Variants in FLT4 observed in about 807,000 individuals in gnomAD.
FLT4 encodes vascular endothelial growth factor receptor 3.
In FLT4, 30 loss-of-function variants were observed where a neutral mutation model predicts 163.2. The observed-to-expected ratio is 0.18, with a 90% CI of 0.14 to 0.25. FLT4 has a LOEUF of 0.25. Among genes scored for constraint, FLT4 ranks in the 10% least tolerant of loss-of-function variants. The pLI is 1.00. For synonymous variants in FLT4, 884 were observed against 789.5 expected, an observed-to-expected ratio of 1.12 and a Z score of -2.01; for missense variants, 1,510 against 1,863.8, an observed-to-expected ratio of 0.81 and a Z score of 3.50.
At chr5:180,609,119 C>T in intron 28 of FLT4, 66 bp from the exon 29 acceptor site, 1 of 1,399,648 alleles carries the variant, frequency 7.1e-7, no homozygotes, top group Admixed American at 1.7e-5. Context: ...CAGCCACCCC[C>T]AGCCAGGAAA....
chr5:180,642,463 A>C (rs1405820029), intron 1 of FLT4, among the ~76,000 whole-genome samples: 1 of 152,028 alleles, frequency 6.6e-6, no homozygotes, highest in Non-Finnish European at 1.5e-5. Flanking sequence ...CCTCAAGTAG[A>C]TGGAGCAGAT....
intron 12 of FLT4, 117 bp downstream of exon 12, chr5:180,622,614 C>T (rs983475358): frequency 2.2e-5 from 16 of 716,234 alleles, no homozygotes; most frequent in African/African-American, 8.7e-5. Flanking sequence ...TGTCTACAAC[C>T]GGTAGGCCTT....
chr5:180,612,903 C>A, intron 25 of FLT4, 108 bp downstream of exon 25: 1 of 813,802 alleles, frequency 1.2e-6, no homozygotes. Context: ...GGTGCCCAGG[C>A]CTGTCCTACT....
At chr5:180,619,833 G>T in intron 17 of FLT4, 64 bp from the exon 18 acceptor site, 1 of 1,269,316 alleles carries the variant, frequency 7.9e-7, no homozygotes, top group Non-Finnish European at 1.1e-6. Flanking sequence ...CAGGTGGGCG[G>T]CGGGGGAGCC....
At chr5:180,645,590 C>G (rs1310749750) in intron 1 of FLT4, among the ~76,000 whole-genome samples, 2 of 151,766 alleles carry the variant, frequency 1.3e-5, no homozygotes, top group Admixed American at 6.6e-5. Flanking sequence ...GGCGGGCCTC[C>G]CCTACTCACC....
chr5:180,643,625 TGCCTCCTTG>T (rs1765294927), intron 1 of FLT4, among the ~76,000 whole-genome samples: 1 of 152,122 alleles, frequency 6.6e-6, no homozygotes, highest in African/African-American at 2.4e-5. Context: ...CAGAATCTGG[TGCCTCCTTG>T]GCCTCCTTGC....
chr5:180,647,428 C>T (rs1765541162), intron 1 of FLT4, among the ~76,000 whole-genome samples: 1 of 152,052 alleles, frequency 6.6e-6, no homozygotes, highest in Admixed American at 6.5e-5. Context: ...AGGAGGGGGC[C>T]CAGGTCACAC....
chr5:180,613,241 TGGA>T lies in FLT4; in HGVS notation c.3332-134_3332-132del, dbSNP rs967502977. 8.0e-6 allele frequency: 5 copies of T among 626,832 alleles called. No homozygotes were observed. In the African/African-American group the frequency reaches 9.2e-5, roughly 11 times the overall value. 38.8% of individuals were successfully genotyped at this position (626,832 alleles called of 1,614,324 possible). A position where few individuals can be genotyped will look rare whatever the true frequency, so the allele number is the denominator to read the frequency against. ...GTCCCTTTCCCCATCCGTGGTGGGG[TGGA>T]GATGGCTCACCCGACTGTGCTCTAC... On this transcript the variant is annotated intron_variant, in intron 24 of 29. Transcript: ENST00000261937.
chr5:180,622,921 G>T, intron 11 of FLT4, 82 bp from the exon 12 acceptor site: 3 of 813,562 alleles, frequency 3.7e-6, no homozygotes, highest in Non-Finnish European at 6.0e-6. Context: ...GGAGGTCGCT[G>T]TGCACCACCC....
At position 180,622,048 on chromosome 5, in the gene FLT4, A is replaced by G. The variant is rs565555911; in HGVS notation, c.1658-144T>C. On this transcript the variant is annotated intron_variant, in intron 12 of 29. Transcript: ENST00000261937. ...TGGACTGCTTGCCCCCCGCCCCACCAAAAGCCCAGGTCATCAGGAGTTCCT... is the reference window on the plus strand; with the variant it reads ...TGGACTGCTTGCCCCCCGCCCCACCGAAAGCCCAGGTCATCAGGAGTTCCT... The G allele has an allele frequency of 1.3e-5, 12 of 893,906 alleles. No homozygotes were observed. The East Asian group carries it at 2.7e-4, about 20-fold the overall frequency. 55.4% of individuals were successfully genotyped at this position (893,906 alleles called of 1,614,324 possible).
chr5:180,606,995 G>A (rs761535014), intron 29 of FLT4, among the ~76,000 whole-genome samples: 2 of 151,986 alleles, frequency 1.3e-5, no homozygotes, highest in South Asian at 2.1e-4. Context: ...GGATAATCAC[G>A]TGAACCCGGG....
At chr5:180,628,168 C>T (rs1268957800) in intron 8 of FLT4, among the ~76,000 whole-genome samples, 1 of 152,212 alleles carries the variant, frequency 6.6e-6, no homozygotes, top group Non-Finnish European at 1.5e-5. Context: ...CTTTCCTAGC[C>T]TCTGCTTCCT....
chr5:180,630,194 GTC>G lies in FLT4; in HGVS notation c.513+29_513+30del. 1 of 1,428,562 alleles carries G rather than the reference GTC, an allele frequency of 7.0e-7. No homozygotes were observed. Among genetic ancestry groups the G allele is most frequent in the Non-Finnish European group, 9.8e-7 (1 of 1,016,896 alleles). 88.5% of individuals were successfully genotyped at this position (1,428,562 alleles called of 1,614,324 possible). On this transcript the variant is annotated intron_variant, in intron 4 of 29. Transcript: ENST00000261937. This position sits in a 1 kb window ranked among gnomAD's most constrained non-coding sequence, Gnocchi z 6.3. The stretch of plus-strand genomic sequence containing the variant: ...CCTTTCCCAGGGGTGGGATGGGAGG[GTC>G]GGATGCTGGGGTTGGGGTGGGGCCG...
intron 1 of FLT4, among the ~76,000 whole-genome samples, chr5:180,647,989 T>TC (rs910582640): frequency 6.6e-6 from 1 of 152,122 alleles, no homozygotes; most frequent in African/African-American, 2.4e-5. Flanking sequence ...TCTGGGCCCC[T>TC]CCTCCAGGGT....
chr5:180,632,802 G>C (rs1418929669), intron 1 of FLT4, among the ~76,000 whole-genome samples: 1 of 152,188 alleles, frequency 6.6e-6, no homozygotes, highest in African/African-American at 2.4e-5. Flanking sequence ...GTGTGTATGT[G>C]GTGGGATCCC....
intron 13 of FLT4, 92 bp from the exon 14 acceptor site, chr5:180,621,344 G>A: frequency 6.7e-7 from 1 of 1,490,790 alleles, no homozygotes; most frequent in South Asian, 1.3e-5. Context: ...AAGGATCCCT[G>A]GAAGCTGGAC....
rs1762048042 is a variant in FLT4, at chr5:180,610,028, G to A, written c.3687-3C>T. The stretch of plus-strand genomic sequence containing the variant: ...GAAAGGACACCCAGTTGTAATACCT[G>A]TGGGGAGAAATCAGAAGGTGCTGAG... On this transcript the variant is annotated splice_region_variant and splice_polypyrimidine_tract_variant and intron_variant, in intron 27 of 29. Coordinates refer to ENST00000261937, the MANE Select transcript of FLT4 (RefSeq NM_182925.5). The A allele has an allele frequency of 1.2e-6, 2 of 1,613,988 alleles. No homozygotes were observed. Among genetic ancestry groups the A allele is most frequent in the Admixed American group, 1.7e-5 (1 of 60,012 alleles).
chr5:180,638,449 A>G (rs926013059), intron 1 of FLT4, among the ~76,000 whole-genome samples: 2 of 152,018 alleles, frequency 1.3e-5, no homozygotes, highest in Admixed American at 6.5e-5. Context: ...AGCTGCACGC[A>G]CCCCAAAGTG....
At chr5:180,627,805 C>G (rs1763754400) in intron 8 of FLT4, among the ~76,000 whole-genome samples, 2 of 152,174 alleles carry the variant, frequency 1.3e-5, no homozygotes, top group African/African-American at 4.8e-5. Context: ...CCAGGGGTCT[C>G]CAGGAGCTGT....
Sources: allele counts gnomAD v4.1 joint callset (sites outside exome capture counted in the v4.1 genomes callset), GRCh38; gene constraint gnomAD v4.1.1; non-coding constraint Gnocchi (gnomAD v3.1); transcripts MANE v1.5; gene names NCBI Gene and HGNC (gene_info 2026-07-23, HGNC 2026-07-21).